The following ATXN1 variants were observed in gnomAD, a reference collection of about 807,000 sequenced individuals.
The protein encoded by ATXN1 is ataxin-1.
A neutral mutation model predicts 56.4 loss-of-function variants in ATXN1; 8 were observed. That is an observed-to-expected ratio of 0.14 (90% CI 0.08 to 0.26). ATXN1 has a LOEUF of 0.26. Ranked by LOEUF, ATXN1 falls within the 10% of genes least tolerant of loss-of-function variation. ATXN1 has a pLI of 1.00. For synonymous variants in ATXN1, 514 were observed against 494.6 expected, an observed-to-expected ratio of 1.04 and a Z score of -0.52; for missense variants, 987 against 1,106.5, an observed-to-expected ratio of 0.89 and a Z score of 1.53.
At chr6:16,643,986 A>C (rs765520742) in intron 3 of ATXN1, among the ~76,000 whole-genome samples, 8 of 152,206 alleles carry the variant, frequency 5.3e-5, no homozygotes, top group Non-Finnish European at 1.0e-4. Context: ...TAAAAATTAA[A>C]TTATGGGCCA....
chr6:16,578,446 T>C (rs1581857226), intron 4 of ATXN1, among the ~76,000 whole-genome samples: 1 of 152,188 alleles, frequency 6.6e-6, no homozygotes, highest in South Asian at 2.1e-4. Flanking sequence ...ATCTGAAGAG[T>C]TCTACATTTG....
chr6:16,543,664 G>A (rs1237558632), intron 4 of ATXN1, among the ~76,000 whole-genome samples: 1 of 148,622 alleles, frequency 6.7e-6, no homozygotes, highest in Non-Finnish European at 1.5e-5. Flanking sequence ...GAGAGAGAGA[G>A]AGTTTAAGCA....
intron 4 of ATXN1, among the ~76,000 whole-genome samples, chr6:16,523,223 G>A (rs1333256472): frequency 6.6e-6 from 1 of 152,024 alleles, no homozygotes; most frequent in African/African-American, 2.4e-5. Flanking sequence ...TTTTGAGATA[G>A]GGTCTTGCTT....
intron 3 of ATXN1, among the ~76,000 whole-genome samples, chr6:16,607,446 T>C (rs112079900): frequency 2.6e-5 from 4 of 152,362 alleles, no homozygotes; most frequent in African/African-American, 4.8e-5. Flanking sequence ...ATCCACTTAA[T>C]TGATATTGCG....
intron 1 of ATXN1, chr6:16,754,510 G>A (rs887665807): frequency 5.9e-5 from 9 of 152,092 alleles, no homozygotes; most frequent in Non-Finnish European, 7.4e-5. Flanking sequence ...AACACATCTC[G>A]GTACTCATGA....
intron 4 of ATXN1, among the ~76,000 whole-genome samples, chr6:16,576,511 GT>G (rs1233317612): frequency 2.0e-5 from 3 of 152,168 alleles, no homozygotes; most frequent in African/African-American, 7.2e-5. Context: ...ACTTAAACCT[GT>G]TAATATGTAA....
chr6:16,605,562 G>C (rs983935592), intron 3 of ATXN1, among the ~76,000 whole-genome samples: 1 of 152,192 alleles, frequency 6.6e-6, no homozygotes, highest in Admixed American at 6.5e-5. Flanking sequence ...AAGAGAATGG[G>C]AAACAGGTAT....
intron 2 of ATXN1, among the ~76,000 whole-genome samples, chr6:16,706,145 G>A (rs1759401239): frequency 6.6e-6 from 1 of 152,020 alleles, no homozygotes; most frequent in African/African-American, 2.4e-5. Context: ...TCCTCATTCT[G>A]AAAAGCTTGG....
intron 6 of ATXN1, among the ~76,000 whole-genome samples, chr6:16,412,556 A>T (rs1275942480): frequency 1.3e-5 from 2 of 152,218 alleles, no homozygotes; most frequent in Non-Finnish European, 2.9e-5. Flanking sequence ...TCAGTTTCTC[A>T]GAAATTTCAT....
At chr6:16,611,153 T>A (rs757025695) in intron 3 of ATXN1, among the ~76,000 whole-genome samples, 10 of 152,194 alleles carry the variant, frequency 6.6e-5, no homozygotes, top group Non-Finnish European at 1.5e-4. Flanking sequence ...AAAGTAATCA[T>A]AAACTGGATC....
At chr6:16,635,927 G>A (rs1763588878) in intron 3 of ATXN1, among the ~76,000 whole-genome samples, 1 of 152,172 alleles carries the variant, frequency 6.6e-6, no homozygotes, top group Non-Finnish European at 1.5e-5. Flanking sequence ...CAAGGGAAAC[G>A]CGGCTCCCTA....
intron 1 of ATXN1, among the ~76,000 whole-genome samples, chr6:16,758,324 G>C (rs1017352930): frequency 2.6e-5 from 4 of 152,226 alleles, no homozygotes; most frequent in African/African-American, 9.6e-5. Context: ...AAAGGCACCA[G>C]ACTGCAAAAG....
intron 6 of ATXN1, among the ~76,000 whole-genome samples, chr6:16,331,524 C>G (rs1760993133): frequency 6.6e-6 from 1 of 152,144 alleles, no homozygotes; most frequent in Non-Finnish European, 1.5e-5. Flanking sequence ...CCTCCTGCAG[C>G]ACTGATCCAA....
At position 16,719,199 on chromosome 6, in the gene ATXN1, CCT is replaced by C. The variant is rs1246682264; in HGVS notation, c.-615+34032_-615+34033del. 2.0e-5 allele frequency among the ~76,000 whole-genome samples: 3 copies of C among 152,278 alleles called. No individual in the cohort carries two copies. In the East Asian group the frequency reaches 5.8e-4, roughly 29 times the overall value. The stretch of plus-strand genomic sequence containing the variant: ...ACAACAAATTTTAAAGCTCTTTAGT[CCT>C]CTGTCTTCTTATATAGAAAACTATT... On this transcript the variant is annotated intron_variant, in intron 2 of 7. Transcript: ENST00000436367.
chr6:16,701,534 G>A (rs1759283688), intron 2 of ATXN1, among the ~76,000 whole-genome samples: 1 of 152,194 alleles, frequency 6.6e-6, no homozygotes, highest in Admixed American at 6.5e-5. Flanking sequence ...AGGAAAAGAG[G>A]AAGTCAAATT....
At chr6:16,721,191 C>T (rs944588365) in intron 2 of ATXN1, among the ~76,000 whole-genome samples, 6 of 152,138 alleles carry the variant, frequency 3.9e-5, no homozygotes, top group Admixed American at 6.5e-5. Flanking sequence ...TGTCTCATGC[C>T]GAGCAATTTC....
chr6:16,570,235 T>C (rs1044031117), intron 4 of ATXN1, among the ~76,000 whole-genome samples: 2 of 152,202 alleles, frequency 1.3e-5, no homozygotes, highest in African/African-American at 4.8e-5. Flanking sequence ...ACTTCAAGTT[T>C]TTATAGGTTT....
chr6:16,581,218 TGTGTGTGCGCGC>T (rs2113760468), intron 4 of ATXN1, among the ~76,000 whole-genome samples: 2 of 137,330 alleles, frequency 1.5e-5, no homozygotes, highest in African/African-American at 6.2e-5. Flanking sequence ...TGTGTGTGTG[TGTGTGTGCGCGC>T]GTGTGTGTGT....
intron 6 of ATXN1, among the ~76,000 whole-genome samples, chr6:16,437,929 C>T (rs1451383500): frequency 2.6e-5 from 4 of 152,154 alleles, no homozygotes; most frequent in Admixed American, 2.6e-4. Context: ...TATGGGTGTT[C>T]AAGAAGCAGC....
Sources: gnomAD v4.1 joint callset for allele counts (sites outside exome capture counted in the v4.1 genomes callset) on GRCh38, gnomAD v4.1.1 for gene constraint, MANE v1.5 for transcripts, NCBI Gene and HGNC (gene_info 2026-07-23, HGNC 2026-07-21) for gene names.